Variants in PKNOX1 observed in about 807,000 individuals in gnomAD.
The protein encoded by PKNOX1 is PBX/knotted 1 homeobox 1, also known as homeobox protein PKNOX1.
In PKNOX1, 15 loss-of-function variants were observed where a neutral mutation model predicts 51.9. The ratio of observed to expected loss-of-function variants is 0.29; its 90% CI spans 0.19 to 0.45. The LOEUF (loss-of-function observed/expected upper bound fraction) is 0.45, where lower values mean the gene tolerates loss of function less well. Among genes scored for constraint, PKNOX1 ranks in the 20% least tolerant of loss-of-function variants. PKNOX1 has a pLI of 1.00. For synonymous variants in PKNOX1, 219 were observed against 211.1 expected (o/e 1.04, Z -0.32); for missense variants, 462 against 547.5 (o/e 0.84, Z 1.56).
intron 4 of PKNOX1, among the ~76,000 whole-genome samples, chr21:43,011,514 C>G (rs1053495817): frequency 1.3e-5 from 2 of 152,148 alleles, no homozygotes; most frequent in Non-Finnish European, 2.9e-5. Context: ...TGAGCTGCAC[C>G]TGAGGCACCT....
At chr21:43,024,665 G>A (rs452847) in intron 8 of PKNOX1, 478,697 of 557,358 alleles carry the variant, frequency 0.86, 204,134 homozygotes, top group African/African-American at 0.89. Flanking sequence ...CTTGGCCTAT[G>A]CACTAACCAG....
intron 1 of PKNOX1, among the ~76,000 whole-genome samples, chr21:42,987,404 A>AAAAATAT: frequency 9.7e-5 from 4 of 41,410 alleles, no homozygotes; most frequent in Admixed American, 3.1e-4. Context: ...AAAAAAAAAA[A>AAAAATAT]ATATATATAT....
intron 1 of PKNOX1, among the ~76,000 whole-genome samples, chr21:42,977,771 C>A (rs189177396): frequency 6.6e-6 from 1 of 152,068 alleles, no homozygotes; most frequent in Non-Finnish European, 1.5e-5. Context: ...GCTGGGACTT[C>A]TGACCTCAGG....
intron 1 of PKNOX1, among the ~76,000 whole-genome samples, chr21:42,991,145 T>C (rs2059085202): frequency 1.3e-5 from 2 of 152,108 alleles, no homozygotes; most frequent in African/African-American, 4.8e-5. Flanking sequence ...TGTTTTAATA[T>C]AGTTTTAAAA....
At chr21:43,011,187 C>T (rs1979234505) in intron 4 of PKNOX1, among the ~76,000 whole-genome samples, 1 of 151,852 alleles carries the variant, frequency 6.6e-6, no homozygotes, top group Admixed American at 6.6e-5. Context: ...CCTGCCTCAG[C>T]CTCCCGAGTA....
At chr21:43,014,104 C>T (rs1601294747) in intron 5 of PKNOX1, among the ~76,000 whole-genome samples, 1 of 144,340 alleles carries the variant, frequency 6.9e-6, no homozygotes, top group East Asian at 2.2e-4. Flanking sequence ...TTACTGCAAA[C>T]TCCGCCTCCT....
At chr21:43,008,061 T>TCACACACACACA (rs56932866) in intron 3 of PKNOX1, among the ~76,000 whole-genome samples, 246 of 146,866 alleles carry the variant, frequency 1.7e-3, no homozygotes, top group African/African-American at 5.0e-3. Flanking sequence ...CAAAACTCTG[T>TCACACACACACA]CACACACACA....
At position 43,010,066 on chromosome 21, in the gene PKNOX1, C is replaced by T; in HGVS notation, c.193C>T (p.Pro65Ser). 6.4e-7 allele frequency: 1 copy of T among 1,557,958 alleles called. No homozygotes were observed. The change falls in exon 4 of 11, where the codon CCA (proline) becomes TCA (serine). Residue 65 changes from proline (P) to serine (S), a missense_variant. By Grantham distance (74) the Pro-to-Ser change is moderately conservative. Coordinates refer to ENST00000291547, the MANE Select transcript of PKNOX1 (RefSeq NM_004571.5). Reference protein sequence around the residue: ...KQAIYRHPLFPLLALLFEKCE... With the variant: ...KQAIYRHPLFSLLALLFEKCE... ...TTTTCTCCTCAGGCATCCACTATTTCCATTATTAGCTTTGTTGTTTGAAAA... is the reference window on the plus strand; with the variant it reads ...TTTTCTCCTCAGGCATCCACTATTTTCATTATTAGCTTTGTTGTTTGAAAA...
intron 1 of PKNOX1, among the ~76,000 whole-genome samples, chr21:43,001,336 G>A (rs572214292): frequency 3.9e-5 from 6 of 152,262 alleles, no homozygotes; most frequent in African/African-American, 9.6e-5. Flanking sequence ...GGATTCCCCC[G>A]GGCTGTGAGA....
At chr21:42,984,974 CTTTTTTTTTTTTT>C (rs71195904) in intron 1 of PKNOX1, among the ~76,000 whole-genome samples, 8 of 58,002 alleles carry the variant, frequency 1.4e-4, no homozygotes, top group Admixed American at 5.8e-4. Context: ...ATTTTCTTTT[CTTTTTTTTTTTTT>C]TTTTTTTTTT....
At chr21:43,023,701 G>A (rs780938422) in intron 8 of PKNOX1, among the ~76,000 whole-genome samples, 9 of 151,490 alleles carry the variant, frequency 5.9e-5, no homozygotes, top group Admixed American at 2.6e-4. Flanking sequence ...TGCAACCTCC[G>A]CTTCCTGGGT....
chr21:43,020,960 T>C (rs1428304553), intron 7 of PKNOX1, among the ~76,000 whole-genome samples: 1 of 152,124 alleles, frequency 6.6e-6, no homozygotes, highest in Non-Finnish European at 1.5e-5. Flanking sequence ...GTAGAAGAAA[T>C]TAGCTGGGTG....
intron 2 of PKNOX1, 73 bp from the exon 3 acceptor site, chr21:43,007,418 A>G (rs1979036108): frequency 2.1e-6 from 3 of 1,450,412 alleles, no homozygotes; most frequent in Middle Eastern, 1.7e-4. Context: ...CTCCAACTGC[A>G]TTCCTGTTGG....
At chr21:43,011,124 G>A (rs1369054483) in intron 4 of PKNOX1, among the ~76,000 whole-genome samples, 1 of 146,158 alleles carries the variant, frequency 6.8e-6, no homozygotes, top group Non-Finnish European at 1.5e-5. Context: ...CTGGAGTGCA[G>A]TGGTGTGATC....
intron 1 of PKNOX1, among the ~76,000 whole-genome samples, chr21:42,990,107 A>AAC (rs2041911281): frequency 6.6e-6 from 1 of 151,488 alleles, no homozygotes; most frequent in Non-Finnish European, 1.5e-5. Context: ...AAAAAAAAAA[A>AAC]AATAATAATA....
rs370228982 is a variant in PKNOX1 at position 42,994,911 on chromosome 21, C to G, written c.-56-9415C>G. ...TTGTTGTTTCTTTTCTTTTCTTTTT[C>G]TTTCTTCTTTTTTTTTTTTTTTTTT... On this transcript the variant is annotated intron_variant, in intron 1 of 10. Transcript: ENST00000291547. 4.3e-3 allele frequency among the ~76,000 whole-genome samples: 559 copies of G among 130,404 alleles called. 2 individuals carry two copies. Among genetic ancestry groups the G allele is most frequent in the South Asian group, 0.012 (49 of 4,240 alleles). The allele number at this position is 130,404 out of a possible 152,430, so 85.6% of individuals were successfully genotyped here.
intron 10 of PKNOX1, among the ~76,000 whole-genome samples, chr21:43,029,420 C>CTTTTTTTTTTTTTT: frequency 1.1e-5 from 1 of 87,524 alleles, no homozygotes; most frequent in African/African-American, 4.2e-5. Context: ...TATTTGTTTG[C>CTTTTTTTTTTTTTT]TTTGTTTTTT....
At position 43,028,743 on chromosome 21, in the gene PKNOX1, A is replaced by T; in HGVS notation, c.968A>T (p.Asp323Val). 1 of 1,614,178 alleles carries T rather than the reference A, an allele frequency of 6.2e-7. No homozygotes were observed. Among genetic ancestry groups the T allele is most frequent in the Non-Finnish European group, 8.5e-7 (1 of 1,180,026 alleles). ...AGACGAATTCTTCAGCCAATGTTGG[A>T]TTCAAGTTGTTCAGAGACCCCCAAA... ...ARRRILQPML[D>V]SSCSETPKTK... The change falls in exon 10 of 11, where the codon GAT (aspartate) becomes GTT (valine). Residue 323 changes from aspartate to valine, a missense_variant. By Grantham distance (152) the Asp-to-Val change is radical. Transcript: ENST00000291547.
chr21:42,983,273 T>C lies in PKNOX1; in HGVS notation c.-57+8609T>C, dbSNP rs372962397. ...TTCATCTTGTAAAACTGAAACTCTA[T>C]ACCCATTAAACACTGCCTCCCCATC... On this transcript the variant is annotated intron_variant, in intron 1 of 10. Coordinates refer to ENST00000291547, the MANE Select transcript of PKNOX1 (RefSeq NM_004571.5). Among the ~76,000 whole-genome samples, 8 of 146,416 alleles carry C rather than the reference T, an allele frequency of 5.5e-5. No homozygotes were observed. In the South Asian group the frequency reaches 6.7e-4, roughly 12 times the overall value.
Sources: allele counts gnomAD v4.1 joint callset (sites outside exome capture counted in the v4.1 genomes callset), GRCh38; gene constraint gnomAD v4.1.1; transcripts MANE v1.5; gene names NCBI Gene and HGNC (gene_info 2026-07-23, HGNC 2026-07-21).